The following ANKS1B variants were observed in gnomAD, a reference collection of about 807,000 sequenced individuals.
The protein encoded by ANKS1B is ankyrin repeat and sterile alpha motif domain containing 1B.
ANKS1B carries 36 observed loss-of-function variants against 148.3 expected under a neutral mutation model. The observed-to-expected ratio is 0.24, with a 90% CI of 0.19 to 0.32. The LOEUF is 0.32. ANKS1B is among the 10% of genes least tolerant of loss of function. The pLI is 1.00. For synonymous variants in ANKS1B, 542 were observed against 560.8 expected (o/e 0.97, Z 0.47); for missense variants, 1,157 against 1,542.6 (o/e 0.75, Z 4.19).
chr12:99,778,428 AACCCGGGAGGCGG>A (rs919538738), intron 6 of ANKS1B, among the ~76,000 whole-genome samples: 1 of 151,704 alleles, frequency 6.6e-6, no homozygotes, highest in African/African-American at 2.4e-5. Context: ...GAATCACTTG[AACCCGGGAGGCGG>A]AGGCTGCAGT....
intron 14 of ANKS1B, among the ~76,000 whole-genome samples, chr12:99,191,100 T>A (rs2080630392): frequency 6.6e-6 from 1 of 151,894 alleles, no homozygotes; most frequent in Admixed American, 6.6e-5. Flanking sequence ...GAAAAAAAGC[T>A]ATAATCACTG....
chr12:99,843,106 A>G (rs1224098083), intron 1 of ANKS1B, among the ~76,000 whole-genome samples: 1 of 152,126 alleles, frequency 6.6e-6, no homozygotes, highest in Non-Finnish European at 1.5e-5. Flanking sequence ...GTAGATATGC[A>G]TAACGTGCAG....
chr12:99,677,981 A>T (rs958419225), intron 8 of ANKS1B, among the ~76,000 whole-genome samples: 3 of 152,054 alleles, frequency 2.0e-5, no homozygotes, highest in African/African-American at 2.4e-5. Context: ...TCAAAAAAAA[A>T]TTTTTTTTCA....
At chr12:99,351,261 G>A (rs1363761708) in intron 12 of ANKS1B, among the ~76,000 whole-genome samples, 2 of 151,984 alleles carry the variant, frequency 1.3e-5, no homozygotes, top group Non-Finnish European at 2.9e-5. Flanking sequence ...GTTTTACGAT[G>A]ATCAACTCTC....
intron 17 of ANKS1B, among the ~76,000 whole-genome samples, chr12:98,893,370 C>T (rs2099756749): frequency 6.6e-6 from 1 of 152,212 alleles, no homozygotes; most frequent in Non-Finnish European, 1.5e-5. Flanking sequence ...CTTGCACGAG[C>T]TCATCTGCGG....
intron 4 of ANKS1B, among the ~76,000 whole-genome samples, chr12:99,796,333 G>A (rs2066250467): frequency 1.3e-5 from 2 of 151,906 alleles, no homozygotes; most frequent in Admixed American, 1.3e-4. Context: ...TCCTTTTAAT[G>A]TTTTCAGACC....
At chr12:99,865,416 G>T (rs138048186) in intron 1 of ANKS1B, among the ~76,000 whole-genome samples, 132 of 152,198 alleles carry the variant, frequency 8.7e-4, no homozygotes, top group African/African-American at 2.9e-3. Context: ...GGTGGGAGGG[G>T]GAAAGGGGTT....
intron 12 of ANKS1B, among the ~76,000 whole-genome samples, chr12:99,278,279 T>C (rs963826022): frequency 7.9e-5 from 12 of 152,216 alleles, no homozygotes; most frequent in African/African-American, 2.9e-4. Flanking sequence ...CTTTCCCATC[T>C]GCTGGCTAGA....
At chr12:99,248,566 T>C (rs1201134007) in intron 12 of ANKS1B, among the ~76,000 whole-genome samples, 1 of 152,224 alleles carries the variant, frequency 6.6e-6, no homozygotes, top group Non-Finnish European at 1.5e-5. Context: ...TAACTCTCTA[T>C]TTTATTTTCC....
chr12:99,789,479 T>C (rs2065376212), intron 4 of ANKS1B, among the ~76,000 whole-genome samples: 1 of 151,958 alleles, frequency 6.6e-6, no homozygotes, highest in Non-Finnish European at 1.5e-5. Context: ...GGACAAGTCC[T>C]GGAAAAAAAA....
chr12:99,232,911 A>T (rs1750011848), intron 14 of ANKS1B, among the ~76,000 whole-genome samples: 1 of 152,224 alleles, frequency 6.6e-6, no homozygotes, highest in Non-Finnish European at 1.5e-5. Context: ...TCAGGCTATA[A>T]AGTTGAGAAT....
chr12:99,494,236 T>G (rs886839595), intron 10 of ANKS1B, among the ~76,000 whole-genome samples: 1 of 151,704 alleles, frequency 6.6e-6, no homozygotes, highest in Non-Finnish European at 1.5e-5. Flanking sequence ...TTCCACAGAG[T>G]AATGGGGAAT....
In ANKS1B at chr12:98,738,081, A is replaced by G. The variant is rs889642588; in HGVS notation, c.691-2447T>C. Reference sequence around the variant, plus strand: ...TTTAACTATAGAAGAATTACTGTATATGCTCACACGAGAGGGGCAGAAGAA... The same window carrying G: ...TTTAACTATAGAAGAATTACTGTATGTGCTCACACGAGAGGGGCAGAAGAA... On this transcript the variant is annotated intron_variant, in intron 9 of 9. Coordinates refer to the ANKS1B transcript ENST00000341752. Among the ~76,000 whole-genome samples, 6 of 152,332 alleles carry G rather than the reference A, an allele frequency of 3.9e-5. No individual in the cohort carries two copies. The East Asian group carries it at 7.7e-4, about 20-fold the overall frequency.
chr12:99,868,129 T>C (rs550737604), intron 1 of ANKS1B, among the ~76,000 whole-genome samples: 1 of 152,200 alleles, frequency 6.6e-6, no homozygotes, highest in East Asian at 1.9e-4. Flanking sequence ...AAACTGGCAA[T>C]AAAATGAAAC....
At chr12:99,003,972 C>G (rs552976962) in intron 17 of ANKS1B, among the ~76,000 whole-genome samples, 62 of 152,340 alleles carry the variant, frequency 4.1e-4, no homozygotes, top group Non-Finnish European at 4.4e-5. Flanking sequence ...TAGCAGAAAG[C>G]TGGCGAAGGA....
At chr12:99,049,316 A>C (rs1174517639) in intron 17 of ANKS1B, among the ~76,000 whole-genome samples, 1 of 152,074 alleles carries the variant, frequency 6.6e-6, no homozygotes, top group Non-Finnish European at 1.5e-5. Flanking sequence ...GCACACACAC[A>C]CACACACCCA....
At chr12:99,026,970 T>C (rs572433246) in intron 17 of ANKS1B, among the ~76,000 whole-genome samples, 29 of 152,328 alleles carry the variant, frequency 1.9e-4, no homozygotes, top group Admixed American at 1.5e-3. Flanking sequence ...TGAATCCTTT[T>C]GTAAAGCAGA....
chr12:99,021,297 A>C (rs1421117224), intron 17 of ANKS1B, among the ~76,000 whole-genome samples: 3 of 152,084 alleles, frequency 2.0e-5, no homozygotes, highest in Non-Finnish European at 4.4e-5. Flanking sequence ...AATTTTAGCA[A>C]ATCTTACTGC....
intron 14 of ANKS1B, among the ~76,000 whole-genome samples, chr12:99,162,612 T>C (rs1284929595): frequency 6.6e-6 from 1 of 152,160 alleles, no homozygotes; most frequent in Non-Finnish European, 1.5e-5. Flanking sequence ...TATATTCATA[T>C]ATATTTACCC....
Sources: allele counts gnomAD v4.1 joint callset (sites outside exome capture counted in the v4.1 genomes callset), GRCh38; gene constraint gnomAD v4.1.1; transcripts MANE v1.5; gene names NCBI Gene and HGNC (gene_info 2026-07-23, HGNC 2026-07-21).